Variants in CHRM2 observed in about 807,000 individuals in gnomAD.
CHRM2 encodes the protein cholinergic receptor muscarinic 2, also known as muscarinic acetylcholine receptor M2.
Under a neutral mutation model 25.0 loss-of-function variants are expected in CHRM2, and 8 were observed. The ratio of observed to expected loss-of-function variants is 0.32; its 90% CI spans 0.19 to 0.58. The LOEUF (loss-of-function observed/expected upper bound fraction) is 0.58, where lower values mean the gene tolerates loss of function less well. Ranked by LOEUF, CHRM2 falls within the 20% of genes least tolerant of loss-of-function variation. The probability of loss-of-function intolerance (pLI) is 0.88; values close to 1 mark genes in which losing one functional copy is unlikely to be tolerated. For synonymous variants in CHRM2, 202 were observed against 205.7 expected (o/e 0.98, Z 0.15); for missense variants, 440 against 567.1 (o/e 0.78, Z 2.28).
chr7:137,011,447 T>G (rs1804820435), intron 3 of CHRM2, among the ~76,000 whole-genome samples: 1 of 151,768 alleles, frequency 6.6e-6, no homozygotes, highest in South Asian at 2.1e-4. Context: ...CCGGTCTGCC[T>G]GGAATTCTGA....
intron 2 of CHRM2, among the ~76,000 whole-genome samples, chr7:136,965,177 T>C (rs1801334553): frequency 6.6e-6 from 1 of 152,124 alleles, no homozygotes; most frequent in Non-Finnish European, 1.5e-5. Context: ...TTTTACAGCC[T>C]TCTTGTCAAA....
Position 136,898,806 on chromosome 7 carries a change from T to C in CHRM2, c.-125+29388T>C, listed in dbSNP as rs551428487. On this transcript the variant is annotated intron_variant, in intron 2 of 3. Transcript: ENST00000680005. ...AAAAGAGTAAAATAAACACTATTTT[T>C]TATTTGTTGAAGAAAACAAGCACTA... 10 of 152,184 alleles carry C rather than the reference T, an allele frequency of 6.6e-5. No homozygotes were observed. In the East Asian group the frequency reaches 1.9e-3, roughly 29 times the overall value. 9.4% of individuals were successfully genotyped at this position (152,184 alleles called of 1,614,324 possible). A position where few individuals can be genotyped will look rare whatever the true frequency, so the allele number is the denominator to read the frequency against.
chr7:136,896,900 T>C lies in CHRM2; in HGVS notation c.-125+27482T>C, dbSNP rs76266113. Among the ~76,000 whole-genome samples, 208 of 152,046 alleles carry C rather than the reference T, an allele frequency of 1.4e-3. 1 individual carries two copies. The highest frequency in any genetic ancestry group is 2.0e-3 in the Non-Finnish European group (139 of 67,966). On this transcript the variant is annotated intron_variant, in intron 2 of 3. Coordinates refer to ENST00000680005, the MANE Select transcript of CHRM2 (RefSeq NM_001006630.2). Reference sequence around the variant, plus strand: ...AGAGCTCATCAAAACAGAGATATGATTGATTTGTTTTTCTCTAAAATGACA... The same window carrying C: ...AGAGCTCATCAAAACAGAGATATGACTGATTTGTTTTTCTCTAAAATGACA...
At chr7:136,871,095 C>T (rs992611184) in intron 2 of CHRM2, 5 of 153,660 alleles carry the variant, frequency 3.3e-5, no homozygotes, top group African/African-American at 1.2e-4. Flanking sequence ...GCTCCACAGC[C>T]CGGGACGCCT....
At chr7:136,963,690 C>A (rs548740397) in intron 2 of CHRM2, among the ~76,000 whole-genome samples, 12 of 152,230 alleles carry the variant, frequency 7.9e-5, no homozygotes, top group Non-Finnish European at 1.5e-4. Flanking sequence ...GGTCTCAGTC[C>A]TGGGTTCACA....
chr7:136,966,179 T>G (rs1801403395), intron 2 of CHRM2, among the ~76,000 whole-genome samples: 1 of 48,926 alleles, frequency 2.0e-5, no homozygotes, highest in African/African-American at 4.8e-5. Context: ...GTTTGTCTTC[T>G]GCAAATTTTT....
intron 2 of CHRM2, among the ~76,000 whole-genome samples, chr7:136,970,307 CCTT>C (rs1462259238): frequency 1.3e-5 from 2 of 152,100 alleles, no homozygotes; most frequent in Non-Finnish European, 2.9e-5. Context: ...CTTACCTAAT[CCTT>C]CTTCTTCAAC....
intron 2 of CHRM2, among the ~76,000 whole-genome samples, chr7:136,958,453 T>C (rs1320916026): frequency 2.7e-5 from 4 of 147,966 alleles, no homozygotes; most frequent in African/African-American, 5.0e-5. Context: ...GTCATCTTTT[T>C]TTTTTTTTTT....
chr7:137,018,781 C>T lies in CHRM2; in HGVS notation c.*2515C>T, dbSNP rs1019019222. The stretch of plus-strand genomic sequence containing the variant: ...GAAAGAAATTGAAGATAGGCTGACA[C>T]CATGGAAACTACGTCAAACAGATAA... On this transcript the variant is annotated 3_prime_UTR_variant, in exon 4 of 4. Coordinates refer to ENST00000680005, the MANE Select transcript of CHRM2 (RefSeq NM_001006630.2). The T allele has an allele frequency of 1.3e-5, 2 of 151,754 alleles. No homozygotes were observed. Among genetic ancestry groups the T allele is most frequent in the African/African-American group, 4.8e-5 (2 of 41,350 alleles). The allele number at this position is 151,754 out of a possible 1,614,324, so 9.4% of individuals were successfully genotyped here.
intron 2 of CHRM2, among the ~76,000 whole-genome samples, chr7:136,917,086 G>A (rs13233064): frequency 0.079 from 11,939 of 150,942 alleles, 620 homozygotes; most frequent in African/African-American, 0.15. Context: ...AAATAAGCGT[G>A]TTATGAATTT....
intron 2 of CHRM2, among the ~76,000 whole-genome samples, chr7:136,973,802 C>T (rs1245974676): frequency 6.6e-6 from 1 of 151,804 alleles, no homozygotes; most frequent in African/African-American, 2.4e-5. Context: ...GTAGGGGTGT[C>T]TATTTGTTGG....
At chr7:136,903,200 C>T (rs377635102) in intron 2 of CHRM2, 9 of 534,098 alleles carry the variant, frequency 1.7e-5, no homozygotes, top group African/African-American at 3.9e-5. Context: ...GTTCATTGTT[C>T]GACACCATGG....
At chr7:136,925,954 C>A (rs1798720920) in intron 2 of CHRM2, among the ~76,000 whole-genome samples, 1 of 152,158 alleles carries the variant, frequency 6.6e-6, no homozygotes, top group South Asian at 2.1e-4. Flanking sequence ...TATAGTCTAG[C>A]TAGCCAGGCA....
Position 136,924,658 on chromosome 7 carries a change from A to G in CHRM2, c.-125+55240A>G, listed in dbSNP as rs560071827. On this transcript the variant is annotated intron_variant, in intron 2 of 3. Transcript: ENST00000680005. ...ATTTGTCAGTGGAAGTGATTCAAAC[A>G]GCTACACAGGCAGACTCCCCATACA... Among the ~76,000 whole-genome samples, 3 of 152,308 alleles carry G rather than the reference A, an allele frequency of 2.0e-5. No individual in the cohort carries two copies. The South Asian group carries it at 6.2e-4, about 32-fold the overall frequency.
intron 2 of CHRM2, among the ~76,000 whole-genome samples, chr7:136,884,974 T>C (rs1257572397): frequency 1.3e-5 from 2 of 152,218 alleles, no homozygotes; most frequent in Admixed American, 1.3e-4. Context: ...TTTTGTGTCT[T>C]TCCTGGTGTG....
At chr7:136,955,021 C>T (rs1041320415) in intron 2 of CHRM2, among the ~76,000 whole-genome samples, 2 of 152,072 alleles carry the variant, frequency 1.3e-5, no homozygotes, top group African/African-American at 4.8e-5. Flanking sequence ...TAGTACTATA[C>T]CCTAAGTGCT....
chr7:136,916,539 C>A (rs1798122658), intron 2 of CHRM2, among the ~76,000 whole-genome samples: 1 of 151,342 alleles, frequency 6.6e-6, no homozygotes, highest in Admixed American at 6.6e-5. Context: ...TTTCTGTATT[C>A]TAATTTTTCC....
At chr7:136,972,704 T>C (rs553374777) in intron 2 of CHRM2, among the ~76,000 whole-genome samples, 53 of 151,730 alleles carry the variant, frequency 3.5e-4, no homozygotes, top group South Asian at 8.3e-4. Context: ...ATGATGGTGA[T>C]GGTGTTAGGG....
intron 2 of CHRM2, among the ~76,000 whole-genome samples, chr7:136,917,919 G>T (rs1218709210): frequency 6.6e-6 from 1 of 152,056 alleles, no homozygotes; most frequent in Non-Finnish European, 1.5e-5. Context: ...TTACTCATGT[G>T]CATAATGTAC....
Sources: gnomAD v4.1 joint callset for allele counts (sites outside exome capture counted in the v4.1 genomes callset) on GRCh38, gnomAD v4.1.1 for gene constraint, MANE v1.5 for transcripts, NCBI Gene and HGNC (gene_info 2026-07-23, HGNC 2026-07-21) for gene names.